The following INSC variants were observed in gnomAD, a reference collection of about 807,000 sequenced individuals.
INSC encodes protein inscuteable homolog.
A neutral mutation model predicts 58.6 loss-of-function variants in INSC; 67 were observed. The observed-to-expected ratio is 1.14, with a 90% CI of 0.94 to 1.40. The LOEUF (loss-of-function observed/expected upper bound fraction) is 1.40, where lower values mean the gene tolerates loss of function less well. Among genes scored for constraint, INSC ranks in the 40% most tolerant of loss-of-function variants. INSC has a pLI of 0.00. For synonymous variants in INSC, 262 were observed against 276.1 expected (o/e 0.95, Z 0.51); for missense variants, 714 against 692.0 (o/e 1.03, Z -0.36).
At chr11:15,192,783 A>C (rs1019127532) in intron 6 of INSC, among the ~76,000 whole-genome samples, 2 of 152,172 alleles carry the variant, frequency 1.3e-5, no homozygotes, top group African/African-American at 2.4e-5. Context: ...TCCATCTCTC[A>C]TGTCCCCAGT....
chr11:15,252,417 G>A, the INSC span, among the ~76,000 whole-genome samples: 1 of 152,204 alleles, frequency 6.6e-6, no homozygotes, highest in African/African-American at 2.4e-5. Flanking sequence ...GTCAGCCAGG[G>A]CTGCGATCAT....
At chr11:15,179,231 A>G (rs1423787297) in intron 5 of INSC, among the ~76,000 whole-genome samples, 1 of 152,242 alleles carries the variant, frequency 6.6e-6, no homozygotes, top group Non-Finnish European at 1.5e-5. Flanking sequence ...TGTTTAGCAC[A>G]TAGTGTGGGT....
intron 7 of INSC, among the ~76,000 whole-genome samples, chr11:15,201,295 C>T (rs1049413746): frequency 1.3e-5 from 2 of 152,126 alleles, no homozygotes; most frequent in Non-Finnish European, 2.9e-5. Flanking sequence ...TCTTCACCCA[C>T]AGCAGGCCTC....
chr11:15,208,388 G>T (rs1034732958), intron 7 of INSC, among the ~76,000 whole-genome samples: 8 of 152,202 alleles, frequency 5.3e-5, no homozygotes, highest in African/African-American at 1.9e-4. Flanking sequence ...AGGAACTGAG[G>T]CTGGCACTGT....
chr11:15,139,645 T>C (rs193086551), intron 1 of INSC, among the ~76,000 whole-genome samples: 126 of 152,334 alleles, frequency 8.3e-4, no homozygotes, highest in Middle Eastern at 3.4e-3. Flanking sequence ...CTAGCATTCT[T>C]ATTTTATCCT....
intron 5 of INSC, among the ~76,000 whole-genome samples, chr11:15,182,850 A>G (rs1849827333): frequency 6.6e-6 from 1 of 152,064 alleles, no homozygotes; most frequent in Admixed American, 6.6e-5. Flanking sequence ...TGAGTTTTTT[A>G]TAGGCCTTCT....
At chr11:15,204,020 C>T (rs1850699284) in intron 7 of INSC, among the ~76,000 whole-genome samples, 1 of 152,174 alleles carries the variant, frequency 6.6e-6, no homozygotes, top group Admixed American at 6.5e-5. Context: ...GACCATATAG[C>T]CTTCAAAGCC....
intron 1 of INSC, 108 bp downstream of exon 1, chr11:15,115,111 G>A (rs1847660822): frequency 2.9e-6 from 2 of 681,036 alleles, no homozygotes; most frequent in Admixed American, 1.3e-4. Context: ...GTGTAAGTGT[G>A]TCAGTGGGAG....
intron 2 of INSC, among the ~76,000 whole-genome samples, chr11:15,158,951 T>C (rs796094910): frequency 6.9e-6 from 1 of 144,284 alleles, no homozygotes; most frequent in African/African-American, 2.6e-5. Context: ...TAGCCTCAGC[T>C]CCTAGAACAG....
At chr11:15,192,570 A>G (rs1258146231) in intron 6 of INSC, among the ~76,000 whole-genome samples, 1 of 152,204 alleles carries the variant, frequency 6.6e-6, no homozygotes, top group Non-Finnish European at 1.5e-5. Flanking sequence ...GCCTGCACAA[A>G]GTGGGTACTC....
intron 7 of INSC, among the ~76,000 whole-genome samples, chr11:15,201,643 A>G (rs1850596883): frequency 1.3e-5 from 2 of 152,150 alleles, no homozygotes; most frequent in East Asian, 1.9e-4. Context: ...GCTTGCGGAT[A>G]GGCTCTCAGG....
At chr11:15,230,403 G>T (rs576363011) in intron 9 of INSC, among the ~76,000 whole-genome samples, 1 of 151,862 alleles carries the variant, frequency 6.6e-6, no homozygotes, top group East Asian at 2.0e-4. Flanking sequence ...GAGTGAAGGG[G>T]GAGGTGCTTC....
At chr11:15,113,215 C>A (rs1224964700), upstream of INSC, among the ~76,000 whole-genome samples, 1 of 150,518 alleles carries the variant, frequency 6.6e-6, no homozygotes, top group Admixed American at 6.7e-5. Flanking sequence ...TGCAGTGGCA[C>A]AATCTTGGCT....
At chr11:15,213,140 GTTT>G (rs34834597) in intron 7 of INSC, among the ~76,000 whole-genome samples, 4 of 147,536 alleles carry the variant, frequency 2.7e-5, no homozygotes, top group Non-Finnish European at 3.0e-5. Flanking sequence ...TACTTGAGGA[GTTT>G]TTTTTTTTTA....
the INSC span, among the ~76,000 whole-genome samples, chr11:15,255,931 G>A: frequency 3.9e-5 from 6 of 152,120 alleles, no homozygotes; most frequent in African/African-American, 1.4e-4. Flanking sequence ...TGCCTATGTG[G>A]TTAACATGGC....
intron 6 of INSC, among the ~76,000 whole-genome samples, chr11:15,200,190 C>A (rs796686989): frequency 7.1e-6 from 1 of 139,928 alleles, no homozygotes; most frequent in Non-Finnish European, 1.5e-5. Context: ...CACACACACA[C>A]AAACAGGAGT....
chr11:15,255,089 A>G, the INSC span, among the ~76,000 whole-genome samples: 7 of 152,204 alleles, frequency 4.6e-5, no homozygotes, highest in Admixed American at 2.0e-4. Flanking sequence ...CTTGCCTAAG[A>G]TCATATAATA....
chr11:15,228,170 A>G (rs1300636547), intron 9 of INSC, among the ~76,000 whole-genome samples: 1 of 152,214 alleles, frequency 6.6e-6, no homozygotes, highest in Non-Finnish European at 1.5e-5. Context: ...TGGCCTTTGA[A>G]TGTGTGGCAC....
At chr11:15,194,595 A>G (rs1027004467) in intron 6 of INSC, among the ~76,000 whole-genome samples, 1 of 152,256 alleles carries the variant, frequency 6.6e-6, no homozygotes, top group Non-Finnish European at 1.5e-5. Flanking sequence ...TAATAGCAAT[A>G]GCTAACATTT....
Sources: allele counts gnomAD v4.1 joint callset (sites outside exome capture counted in the v4.1 genomes callset), GRCh38; gene constraint gnomAD v4.1.1; transcripts MANE v1.5; gene names NCBI Gene and HGNC (gene_info 2026-07-23, HGNC 2026-07-21).